CADM1: variants seen among roughly 807,000 people sequenced by gnomAD.
CADM1 encodes TSLC-1.
In CADM1, 15 loss-of-function variants were observed where a neutral mutation model predicts 53.1. That is an observed-to-expected ratio of 0.28 (90% confidence interval 0.19 to 0.44). The LOEUF (loss-of-function observed/expected upper bound fraction) is 0.44, where lower values mean the gene tolerates loss of function less well. Ranked by LOEUF, CADM1 falls within the 20% of genes least tolerant of loss-of-function variation. CADM1 has a pLI of 1.00. For missense variants in CADM1, 434 were observed against 611.3 expected, an observed-to-expected ratio of 0.71 and a Z score of 3.06; for synonymous variants, 281 against 243.0, an observed-to-expected ratio of 1.16 and a Z score of -1.45.
intron 1 of CADM1, among the ~76,000 whole-genome samples, chr11:115,412,189 AAATT>A (rs1947474894): frequency 6.6e-6 from 1 of 151,854 alleles, no homozygotes. Context: ...GTATTTTAAA[AAATT>A]ATTTTGAATC....
At chr11:115,496,794 G>T (rs1410332802) in intron 1 of CADM1, among the ~76,000 whole-genome samples, 1 of 152,118 alleles carries the variant, frequency 6.6e-6, no homozygotes, top group Non-Finnish European at 1.5e-5. Flanking sequence ...AAGCAGGAAA[G>T]CTAAGGAGGG....
chr11:115,379,338 C>G (rs1946518689), intron 1 of CADM1, among the ~76,000 whole-genome samples: 2 of 152,098 alleles, frequency 1.3e-5, no homozygotes, highest in African/African-American at 4.8e-5. Flanking sequence ...ATTAAAATAT[C>G]CACAATACTG....
chr11:115,289,300 G>A (rs1482935320), intron 1 of CADM1, among the ~76,000 whole-genome samples: 1 of 152,018 alleles, frequency 6.6e-6, no homozygotes, highest in Non-Finnish European at 1.5e-5. Context: ...GCAGGGTGGA[G>A]GTTGCAGTGA....
intron 1 of CADM1, among the ~76,000 whole-genome samples, chr11:115,276,771 C>T (rs12788053): frequency 0.2 from 29,749 of 152,032 alleles, 3,131 homozygotes; most frequent in South Asian, 0.33. Flanking sequence ...CCAAAAGCCC[C>T]GTGGGTACAA....
At chr11:115,466,187 G>T (rs1217694324) in intron 1 of CADM1, among the ~76,000 whole-genome samples, 5 of 152,174 alleles carry the variant, frequency 3.3e-5, no homozygotes, top group African/African-American at 1.2e-4. Context: ...AGCATCGTAA[G>T]TCTGCAACAG....
intron 1 of CADM1, among the ~76,000 whole-genome samples, chr11:115,354,960 A>G (rs1945827141): frequency 2.0e-5 from 3 of 152,240 alleles, no homozygotes; most frequent in Admixed American, 2.0e-4. Flanking sequence ...CATGCCAGTT[A>G]AAAGAAATCC....
intron 1 of CADM1, among the ~76,000 whole-genome samples, chr11:115,438,006 G>C (rs1948221949): frequency 6.6e-6 from 1 of 152,210 alleles, no homozygotes. Context: ...TGTAACGCCT[G>C]ATTGCTGAGC....
At chr11:115,229,305 T>A (rs1941733679) in intron 4 of CADM1, 34 bp from the exon 5 acceptor site, 1 of 1,610,974 alleles carries the variant, frequency 6.2e-7, no homozygotes, top group Non-Finnish European at 8.5e-7. Flanking sequence ...GACACCAGAG[T>A]TGGGTGAATT....
At chr11:115,503,758 T>C (rs1234915535) in intron 1 of CADM1, among the ~76,000 whole-genome samples, 3 of 141,332 alleles carry the variant, frequency 2.1e-5, no homozygotes, top group Non-Finnish European at 4.6e-5. Flanking sequence ...GGGGATGTCC[T>C]GGGGACCGGG....
chr11:115,224,263 A>G (rs1941517024), intron 5 of CADM1, among the ~76,000 whole-genome samples: 1 of 151,218 alleles, frequency 6.6e-6, no homozygotes, highest in Non-Finnish European at 1.5e-5. Flanking sequence ...TCAATGCCCA[A>G]TTTTCCTCCA....
At chr11:115,226,845 C>T (rs920147165) in intron 5 of CADM1, among the ~76,000 whole-genome samples, 4 of 152,174 alleles carry the variant, frequency 2.6e-5, no homozygotes, top group Non-Finnish European at 1.5e-5. Context: ...AGAATTCCAA[C>T]TGTGTTTGAA....
At chr11:115,490,074 A>T (rs1311243612) in intron 1 of CADM1, among the ~76,000 whole-genome samples, 1 of 152,244 alleles carries the variant, frequency 6.6e-6, no homozygotes, top group African/African-American at 2.4e-5. Context: ...CAAGAAAAAC[A>T]TTTAAAGTTT....
At chr11:115,323,157 G>A (rs1944867635) in intron 1 of CADM1, among the ~76,000 whole-genome samples, 2 of 151,954 alleles carry the variant, frequency 1.3e-5, no homozygotes, top group Admixed American at 1.3e-4. Flanking sequence ...ACTTCACTGT[G>A]GTTTTGATTT....
chr11:115,409,020 G>A (rs1947387240), intron 1 of CADM1, among the ~76,000 whole-genome samples: 2 of 119,358 alleles, frequency 1.7e-5, no homozygotes, highest in Admixed American at 2.0e-4. Flanking sequence ...ATCAGCCCAA[G>A]GAGGTCAAAA....
At chr11:115,464,253 T>C (rs911293712) in intron 1 of CADM1, among the ~76,000 whole-genome samples, 1 of 152,236 alleles carries the variant, frequency 6.6e-6, no homozygotes, top group Non-Finnish European at 1.5e-5. Flanking sequence ...AAGTATGTTA[T>C]AGGTGCGTGT....
intron 1 of CADM1, among the ~76,000 whole-genome samples, chr11:115,434,970 C>T (rs1435869340): frequency 6.6e-6 from 1 of 150,764 alleles, no homozygotes; most frequent in Non-Finnish European, 1.5e-5. Flanking sequence ...AAGCGATTCT[C>T]CTGCCTTAGC....
chr11:115,224,921 C>A (rs1394574806), intron 5 of CADM1, among the ~76,000 whole-genome samples: 4 of 152,148 alleles, frequency 2.6e-5, no homozygotes, highest in Admixed American at 6.6e-5. Context: ...GCACCACCAC[C>A]TGTACAGACA....
intron 7 of CADM1, among the ~76,000 whole-genome samples, chr11:115,212,977 T>C (rs910854157): frequency 7.2e-5 from 11 of 152,226 alleles, no homozygotes; most frequent in African/African-American, 2.7e-4. Context: ...AAAATGTTTC[T>C]TCTCTTGAAA....
chr11:115,401,915 C>T (rs1947167579), intron 1 of CADM1, among the ~76,000 whole-genome samples: 1 of 151,844 alleles, frequency 6.6e-6, no homozygotes, highest in African/African-American at 2.4e-5. Context: ...ATCTCTGTAC[C>T]TTCTTTTTAA....
Sources: allele counts gnomAD v4.1 joint callset (sites outside exome capture counted in the v4.1 genomes callset), GRCh38; gene constraint gnomAD v4.1.1; transcripts MANE v1.5; gene names NCBI Gene and HGNC (gene_info 2026-07-23, HGNC 2026-07-21).